Variants in PACRG observed in about 807,000 individuals in gnomAD.
PACRG encodes parkin coregulated.
Under a neutral mutation model 29.7 loss-of-function variants are expected in PACRG, and 29 were observed. That is an observed-to-expected ratio of 0.98 (90% confidence interval 0.73 to 1.33). The LOEUF (loss-of-function observed/expected upper bound fraction) is 1.33. Among genes scored for constraint, PACRG ranks in the 40% most tolerant of loss-of-function variants. PACRG has a pLI of 0.00. For synonymous variants in PACRG, 116 were observed against 118.7 expected, an observed-to-expected ratio of 0.98 and a Z score of 0.15; for missense variants, 279 against 316.2, an observed-to-expected ratio of 0.88 and a Z score of 0.89.
intron 2 of PACRG, among the ~76,000 whole-genome samples, chr6:162,971,713 G>A (rs1357917967): frequency 6.6e-6 from 1 of 152,184 alleles, no homozygotes; most frequent in Non-Finnish European, 1.5e-5. Flanking sequence ...TTAATATTGT[G>A]AAAAACACAA....
At chr6:162,873,463 A>G (rs1355112892) in intron 2 of PACRG, among the ~76,000 whole-genome samples, 5 of 152,230 alleles carry the variant, frequency 3.3e-5, no homozygotes, top group African/African-American at 2.4e-5. Flanking sequence ...TCAGCAAGAC[A>G]TTTTAAAATT....
intron 1 of PACRG, among the ~76,000 whole-genome samples, chr6:162,775,840 A>C (rs1783599202): frequency 1.3e-5 from 2 of 152,162 alleles, no homozygotes; most frequent in South Asian, 4.1e-4. Flanking sequence ...CACCTTGTCC[A>C]CCCATTTTCA....
chr6:163,286,343 G>A (rs1585400637), intron 4 of PACRG, among the ~76,000 whole-genome samples: 1 of 152,206 alleles, frequency 6.6e-6, no homozygotes. Flanking sequence ...CATAAAGTGG[G>A]ACATTTATGT....
At chr6:163,085,275 T>G (rs1030707020) in intron 3 of PACRG, among the ~76,000 whole-genome samples, 67 of 152,182 alleles carry the variant, frequency 4.4e-4, no homozygotes, top group African/African-American at 1.6e-3. Flanking sequence ...TAATCCTTCC[T>G]CACTAAGCAG....
At position 163,114,121 on chromosome 6, in the gene PACRG, G is replaced by A. The variant is rs189654884; in HGVS notation, c.613+24713G>A. On this transcript the variant is annotated intron_variant, in intron 4 of 4. Transcript: ENST00000366888. ...AAAAACTAGTTGGGCATGGTGGTGC[G>A]CCCCTGTAATCCCAGCTACTTGGGT... 1.9e-3 allele frequency among the ~76,000 whole-genome samples: 291 copies of A among 152,194 alleles called. 1 individual carries two copies. Among genetic ancestry groups the A allele is most frequent in the African/African-American group, 6.5e-3 (271 of 41,530 alleles).
intron 4 of PACRG, among the ~76,000 whole-genome samples, chr6:163,132,177 T>A (rs979954179): frequency 6.6e-6 from 1 of 152,182 alleles, no homozygotes; most frequent in African/African-American, 2.4e-5. Flanking sequence ...GATGAAAAAA[T>A]TTGTTTTGAC....
chr6:162,996,787 T>C (rs568172089), intron 2 of PACRG, among the ~76,000 whole-genome samples: 3 of 152,274 alleles, frequency 2.0e-5, no homozygotes, highest in East Asian at 3.9e-4. Context: ...ACTCTACTCT[T>C]TCTTCTCTTG....
intron 1 of PACRG, among the ~76,000 whole-genome samples, chr6:162,764,724 T>G (rs530673708): frequency 4.0e-5 from 6 of 151,870 alleles, no homozygotes; most frequent in Non-Finnish European, 7.4e-5. Context: ...GAACAGACAT[T>G]AAAAAAACCT....
intron 4 of PACRG, among the ~76,000 whole-genome samples, chr6:163,159,722 C>T (rs1018850508): frequency 6.6e-6 from 1 of 152,110 alleles, no homozygotes; most frequent in South Asian, 2.1e-4. Flanking sequence ...ATAAGGGTGT[C>T]GAGTGTTCTC....
chr6:162,875,273 CCA>C (rs1341239296), intron 2 of PACRG, among the ~76,000 whole-genome samples: 3 of 147,502 alleles, frequency 2.0e-5, no homozygotes, highest in East Asian at 2.0e-4. Flanking sequence ...ACACAGTCAT[CCA>C]CACACATTCA....
intron 4 of PACRG, among the ~76,000 whole-genome samples, chr6:163,152,731 T>C (rs1311035372): frequency 6.6e-6 from 1 of 152,240 alleles, no homozygotes; most frequent in African/African-American, 2.4e-5. Context: ...ACAGCAATAT[T>C]GGAAGGCGTT....
chr6:163,179,438 G>T (rs549161626), intron 4 of PACRG: 1 of 309,244 alleles, frequency 3.2e-6, no homozygotes, highest in South Asian at 2.8e-5. Context: ...GGTGGCTCAC[G>T]CTTGTAATCC....
rs201354336 is a variant in PACRG, at chr6:163,089,299, T to C, written c.504T>C (p.Thr168=). The change falls in exon 4 of 5, where the codon ACT becomes ACC. Residue 168 remains threonine, a synonymous_variant. Coordinates refer to ENST00000366888, the MANE Select transcript of PACRG (RefSeq NM_001080379.2). ...GAAACCGACAGGTCATCTGTGTCAC[T>C]CTCAAGGTCCTCCAGCATCTGGTTG... ...NLRNRQVICV[T]LKVLQHLVVS... is the part of the protein sequence containing the mutation. 35 of 1,614,090 alleles carry C rather than the reference T, an allele frequency of 2.2e-5. No individual in the cohort carries two copies. The East Asian group carries it at 4.5e-4, about 21-fold the overall frequency.
At chr6:163,056,789 TG>T in intron 2 of PACRG, among the ~76,000 whole-genome samples, 1 of 152,326 alleles carries the variant, frequency 6.6e-6, no homozygotes, top group Non-Finnish European at 1.5e-5. Context: ...GCACCCAGGA[TG>T]GAGTTGCTTT....
chr6:163,258,553 C>T (rs548134606), intron 4 of PACRG, among the ~76,000 whole-genome samples: 52 of 152,176 alleles, frequency 3.4e-4, no homozygotes, highest in African/African-American at 1.2e-3. Flanking sequence ...GTCAGGAGAT[C>T]GAAACCATCC....
chr6:162,952,037 C>T (rs978877678), intron 2 of PACRG, among the ~76,000 whole-genome samples: 3 of 152,130 alleles, frequency 2.0e-5, no homozygotes, highest in East Asian at 1.9e-4. Flanking sequence ...TGTCCTTAAA[C>T]AAAAATGTCA....
intron 2 of PACRG, among the ~76,000 whole-genome samples, chr6:162,873,188 G>C (rs1378775471): frequency 2.0e-5 from 3 of 151,104 alleles, no homozygotes; most frequent in Admixed American, 6.6e-5. Flanking sequence ...AATTCCAAGA[G>C]TAGTTTGGTT....
At chr6:163,113,664 T>C (rs374134908) in intron 4 of PACRG, among the ~76,000 whole-genome samples, 88 of 152,134 alleles carry the variant, frequency 5.8e-4, no homozygotes, top group African/African-American at 1.9e-3. Flanking sequence ...AGCAAAACTG[T>C]ATATCAAAAG....
chr6:162,746,901 C>G (rs906864716), intron 1 of PACRG, among the ~76,000 whole-genome samples: 2 of 152,150 alleles, frequency 1.3e-5, no homozygotes, highest in Admixed American at 1.3e-4. Context: ...CACACTTGGC[C>G]TTCTTATTTA....
Sources: gnomAD v4.1 joint callset for allele counts (sites outside exome capture counted in the v4.1 genomes callset) on GRCh38, gnomAD v4.1.1 for gene constraint, MANE v1.5 for transcripts, NCBI Gene and HGNC (gene_info 2026-07-23, HGNC 2026-07-21) for gene names.